The following HOOK3 variants were observed in gnomAD, a reference collection of about 807,000 sequenced individuals.
The protein encoded by HOOK3 is hook microtubule tethering protein 3.
HOOK3 carries 24 observed loss-of-function variants against 116.3 expected under a neutral mutation model. The ratio of observed to expected loss-of-function variants is 0.21; its 90% CI spans 0.15 to 0.29. HOOK3 has a LOEUF of 0.29. HOOK3 is among the 10% of genes least tolerant of loss of function. The probability of loss-of-function intolerance (pLI) is 1.00; values close to 1 mark genes in which losing one functional copy is unlikely to be tolerated. For synonymous variants in HOOK3, 275 were observed against 283.0 expected, an observed-to-expected ratio of 0.97 and a Z score of 0.28; for missense variants, 632 against 830.2, an observed-to-expected ratio of 0.76 and a Z score of 2.93.
rs1254697504 is a variant in HOOK3, at chr8:43,001,748, G to A, written c.1621-359G>A. Reference sequence around the variant, plus strand: ...TCAAGGAAAATAGTATAGCAGATAAGTGTCTTAAAGGAAGTCTATTATTAC... The same window carrying A: ...TCAAGGAAAATAGTATAGCAGATAAATGTCTTAAAGGAAGTCTATTATTAC... On this transcript the variant is annotated intron_variant, in intron 16 of 21. Transcript: ENST00000307602. Among the ~76,000 whole-genome samples the A allele has an allele frequency of 2.6e-5, 4 of 152,146 alleles. No homozygotes were observed. In the East Asian group the frequency reaches 5.8e-4, roughly 22 times the overall value.
intron 21 of HOOK3, among the ~76,000 whole-genome samples, chr8:43,014,287 A>G (rs1204171564): frequency 2.0e-5 from 2 of 99,564 alleles, no homozygotes; most frequent in African/African-American, 4.7e-5. Context: ...CTGTCTCAGA[A>G]AAAAAAAAAA....
intron 2 of HOOK3, among the ~76,000 whole-genome samples, chr8:42,920,324 A>G (rs897518431): frequency 1.3e-5 from 2 of 152,226 alleles, no homozygotes; most frequent in African/African-American, 4.8e-5. Context: ...CATTACTGAA[A>G]TTGTAAAGTA....
At chr8:42,926,700 A>G (rs1807772443) in intron 3 of HOOK3, among the ~76,000 whole-genome samples, 1 of 152,244 alleles carries the variant, frequency 6.6e-6, no homozygotes, top group Admixed American at 6.5e-5. Context: ...ACTATAATAC[A>G]ATATCAAAAC....
At chr8:42,945,191 A>T (rs1322493564) in intron 5 of HOOK3, among the ~76,000 whole-genome samples, 1 of 152,246 alleles carries the variant, frequency 6.6e-6, no homozygotes, top group African/African-American at 2.4e-5. Context: ...ACTAAATGAG[A>T]TCATGTATAT....
At chr8:42,941,387 G>T (rs1053218485) in intron 4 of HOOK3, among the ~76,000 whole-genome samples, 3 of 151,020 alleles carry the variant, frequency 2.0e-5, no homozygotes, top group Non-Finnish European at 3.0e-5. Flanking sequence ...GTGTGGTGGT[G>T]GGCGCTTGTA....
chr8:42,961,872 C>A (rs1053491037), intron 8 of HOOK3, among the ~76,000 whole-genome samples: 1 of 152,054 alleles, frequency 6.6e-6, no homozygotes, highest in Non-Finnish European at 1.5e-5. Context: ...CTGCAACCTC[C>A]GCCTCCTGGG....
In HOOK3 at chr8:42,986,786, C is replaced by T; in HGVS notation, c.1523C>T (p.Thr508Ile). The T allele has an allele frequency of 3.1e-6, 5 of 1,613,210 alleles. No homozygotes were observed. Among genetic ancestry groups the T allele is most frequent in the Non-Finnish European group, 4.2e-6 (5 of 1,179,652 alleles). The change falls in exon 15 of 22, where the codon ACA (threonine) becomes ATA (isoleucine). Residue 508 changes from threonine (T) to isoleucine (I), a missense_variant. Thr to Ile is a moderately conservative substitution (Grantham distance 89). This residue lies in a region of HOOK3 where 483 missense variants were observed against 648.1 expected (regional missense o/e 0.75). Transcript: ENST00000307602. ...DANLRKNELE[T>I]ENRLVNQRLL... ...AATCTACGCAAGAATGAACTGGAGA[C>T]AGAGAATAGGTAGAGTATTATAGGT...
At chr8:42,906,488 A>G (rs968999395) in intron 2 of HOOK3, among the ~76,000 whole-genome samples, 2 of 152,058 alleles carry the variant, frequency 1.3e-5, no homozygotes, top group African/African-American at 2.4e-5. Context: ...TTATTCTTGT[A>G]TTTTTTGGCA....
At chr8:43,000,692 G>A (rs1809363247) in intron 16 of HOOK3, 1 of 156,182 alleles carries the variant, frequency 6.4e-6, no homozygotes, top group East Asian at 1.8e-4. Flanking sequence ...TTTTGGATCT[G>A]CCACTTAAAA....
At chr8:42,972,428 T>TA (rs912910866) in intron 11 of HOOK3, among the ~76,000 whole-genome samples, 1 of 152,160 alleles carries the variant, frequency 6.6e-6, no homozygotes, top group Non-Finnish European at 1.5e-5. Flanking sequence ...ACTTTTTTTT[T>TA]AAAGACAGGA....
intron 6 of HOOK3, among the ~76,000 whole-genome samples, chr8:42,953,194 A>G (rs1215927688): frequency 6.7e-6 from 1 of 150,150 alleles, no homozygotes; most frequent in Non-Finnish European, 1.5e-5. Flanking sequence ...GAATAAGAGG[A>G]CCGCCAACCA....
chr8:42,920,011 C>T (rs1807626178), intron 2 of HOOK3, among the ~76,000 whole-genome samples: 1 of 150,776 alleles, frequency 6.6e-6, no homozygotes, highest in African/African-American at 2.4e-5. Context: ...TGGAATTATT[C>T]TAAGAATTAA....
intron 17 of HOOK3, among the ~76,000 whole-genome samples, chr8:43,002,862 A>C (rs1312329767): frequency 1.3e-5 from 2 of 152,144 alleles, no homozygotes; most frequent in African/African-American, 2.4e-5. Flanking sequence ...TTCTTAAGTA[A>C]ATTTTTTAAA....
intron 21 of HOOK3, among the ~76,000 whole-genome samples, chr8:43,016,341 C>G (rs756383137): frequency 5.9e-5 from 9 of 151,616 alleles, no homozygotes; most frequent in Non-Finnish European, 1.3e-4. Context: ...AGGATGGTCT[C>G]AATCTCCTGA....
chr8:43,003,322 C>T (rs888438566), intron 17 of HOOK3, among the ~76,000 whole-genome samples: 9 of 152,158 alleles, frequency 5.9e-5, no homozygotes, highest in African/African-American at 1.9e-4. Flanking sequence ...CTCCTGGCGA[C>T]AGATTTGCTA....
At position 42,974,094 on chromosome 8, in the gene HOOK3, T is replaced by C. The variant is rs1327561987; in HGVS notation, c.1234-13T>C. The stretch of plus-strand genomic sequence containing the variant: ...ACGTGAAGCTAACCCTCCATGTTTT[T>C]GTGTCTCTCCAGAGGCTGAGAACAG... On this transcript the variant is annotated splice_polypyrimidine_tract_variant and intron_variant, in intron 12 of 21. Transcript: ENST00000307602. 6.2e-7 allele frequency: 1 copy of C among 1,602,064 alleles called. No individual in the cohort carries two copies. Among genetic ancestry groups the C allele is most frequent in the Non-Finnish European group, 8.6e-7 (1 of 1,169,210 alleles).
intron 21 of HOOK3, among the ~76,000 whole-genome samples, chr8:43,013,921 T>C (rs1393450650): frequency 6.6e-6 from 1 of 152,220 alleles, no homozygotes; most frequent in Non-Finnish European, 1.5e-5. Context: ...GCTGCACTTC[T>C]GAAGTATTTT....
intron 2 of HOOK3, among the ~76,000 whole-genome samples, chr8:42,909,860 A>G (rs1807388445): frequency 6.6e-6 from 1 of 152,206 alleles, no homozygotes; most frequent in South Asian, 2.1e-4. Context: ...GACAAACACC[A>G]TCTCACTTAT....
intron 2 of HOOK3, among the ~76,000 whole-genome samples, chr8:42,908,614 A>G (rs1286183039): frequency 6.6e-6 from 1 of 152,268 alleles, no homozygotes; most frequent in Non-Finnish European, 1.5e-5. Flanking sequence ...CTACATGCAG[A>G]AGAATAAAGT....
Sources: gnomAD v4.1 joint callset for allele counts (sites outside exome capture counted in the v4.1 genomes callset) on GRCh38, gnomAD v4.1.1 for gene constraint, gnomAD v4.1.1 regional missense constraint, MANE v1.5 for transcripts, NCBI Gene and HGNC (gene_info 2026-07-23, HGNC 2026-07-21) for gene names.